The following ESRRB variants were observed in gnomAD, a reference collection of about 807,000 sequenced individuals.
The protein encoded by ESRRB is steroid hormone receptor ERR2.
In ESRRB, 16 loss-of-function variants were observed where a neutral mutation model predicts 46.0. The ratio of observed to expected loss-of-function variants is 0.35; its 90% CI spans 0.24 to 0.53. The LOEUF (loss-of-function observed/expected upper bound fraction) is 0.53. Among genes scored for constraint, ESRRB ranks in the 20% least tolerant of loss-of-function variants. ESRRB has a pLI of 0.93. For missense variants in ESRRB, 488 were observed against 607.4 expected, an observed-to-expected ratio of 0.80 and a Z score of 2.07; for synonymous variants, 246 against 259.6, an observed-to-expected ratio of 0.95 and a Z score of 0.50.
intron 1 of ESRRB, among the ~76,000 whole-genome samples, chr14:76,408,931 T>C (rs997878431): frequency 6.6e-6 from 1 of 152,258 alleles, no homozygotes; most frequent in East Asian, 1.9e-4. Context: ...ACCTTTGAGA[T>C]AGGGCCTATT....
chr14:76,368,259 C>T (rs1884550534), upstream of ESRRB, among the ~76,000 whole-genome samples: 1 of 151,854 alleles, frequency 6.6e-6, no homozygotes, highest in Non-Finnish European at 1.5e-5. Context: ...AGGCATGAGC[C>T]ACTGAGCCCG....
intron 1 of ESRRB, among the ~76,000 whole-genome samples, chr14:76,430,411 G>C (rs780437777): frequency 6.6e-5 from 10 of 152,290 alleles, no homozygotes; most frequent in South Asian, 4.1e-4. Flanking sequence ...TGCCCAGCCA[G>C]CTTCTTTCCC....
At chr14:76,317,061 A>G (rs1258910096) in intron 1 of ESRRB, among the ~76,000 whole-genome samples, 1 of 152,182 alleles carries the variant, frequency 6.6e-6, no homozygotes, top group East Asian at 1.9e-4. Flanking sequence ...TGCTTCCATT[A>G]GCACAGACAA....
At chr14:76,393,158 T>C (rs893116301) in intron 1 of ESRRB, among the ~76,000 whole-genome samples, 18 of 152,238 alleles carry the variant, frequency 1.2e-4, no homozygotes, top group Non-Finnish European at 2.4e-4. Context: ...ATCTCCCTTG[T>C]GTATTCTTTG....
At chr14:76,351,531 C>T (rs1467393141) in intron 1 of ESRRB, among the ~76,000 whole-genome samples, 3 of 152,210 alleles carry the variant, frequency 2.0e-5, no homozygotes, top group Admixed American at 6.5e-5. Context: ...AGTATGGCCT[C>T]ATCTTAACTT....
intron 1 of ESRRB, among the ~76,000 whole-genome samples, chr14:76,357,252 C>T (rs1276840570): frequency 6.6e-6 from 1 of 152,208 alleles, no homozygotes; most frequent in East Asian, 1.9e-4. Flanking sequence ...AAAAGTATTA[C>T]CCAAGATGGG....
chr14:76,398,092 C>T (rs1454730154), intron 1 of ESRRB, among the ~76,000 whole-genome samples: 3 of 152,218 alleles, frequency 2.0e-5, no homozygotes, highest in Admixed American at 2.0e-4. Context: ...CCAGCTTGTG[C>T]TTTGTTGGAA....
chr14:76,435,745 C>T (rs561116642), intron 1 of ESRRB, among the ~76,000 whole-genome samples: 1 of 152,308 alleles, frequency 6.6e-6, no homozygotes, highest in African/African-American at 2.4e-5. Context: ...GCAGGAGAAT[C>T]ACTTGAACCC....
intron 3 of ESRRB, among the ~76,000 whole-genome samples, chr14:76,471,860 G>C (rs1889386301): frequency 6.6e-6 from 1 of 152,204 alleles, no homozygotes; most frequent in East Asian, 1.9e-4. Context: ...GTTGCACTCA[G>C]CTGGAGTGCA....
intron 1 of ESRRB, among the ~76,000 whole-genome samples, chr14:76,327,339 C>T (rs781679615): frequency 1.5e-4 from 23 of 152,328 alleles, no homozygotes; most frequent in Non-Finnish European, 2.8e-4. Flanking sequence ...AGTGTCTATG[C>T]TCATGTGAGT....
intron 1 of ESRRB, among the ~76,000 whole-genome samples, chr14:76,313,954 T>C (rs141343956): frequency 1.0e-3 from 155 of 152,292 alleles, no homozygotes; most frequent in African/African-American, 3.5e-3. Flanking sequence ...GGTGGAGGGC[T>C]TTTTTGTTAA....
chr14:76,363,101 T>C (rs1595055098), intron 1 of ESRRB, among the ~76,000 whole-genome samples: 2 of 152,330 alleles, frequency 1.3e-5, no homozygotes, highest in East Asian at 3.9e-4. Context: ...CTTGGTTGAA[T>C]GGCTAGGTTG....
At chr14:76,448,923 C>T (rs901420649) in intron 2 of ESRRB, among the ~76,000 whole-genome samples, 12 of 150,984 alleles carry the variant, frequency 7.9e-5, no homozygotes, top group African/African-American at 3.0e-4. Context: ...TGTTTTTCTA[C>T]ACATATTTTG....
Position 76,491,597 on chromosome 14 carries a change from G to A in ESRRB, c.1001G>A (p.Arg334His), listed in dbSNP as rs763256376. ...TACATCATGGATGAGGAGCACTCCC[G>A]CCTCGCGGGGCTGCTGGAGCTCTAC... ...EDYIMDEEHS[R>H]LAGLLELYRA... The change falls in exon 6 of 7, where the codon CGC becomes CAC. Residue 334 changes from arginine (R) to histidine (H), a missense_variant. Coordinates refer to ENST00000644823, the MANE Select transcript of ESRRB (RefSeq NM_001379180.1). The A allele has an allele frequency of 2.0e-5, 32 of 1,586,854 alleles. No homozygotes were observed. Among genetic ancestry groups the A allele is most frequent in the East Asian group, 9.1e-5 (4 of 44,012 alleles).
intron 6 of ESRRB, 115 bp from the exon 7 acceptor site, chr14:76,498,099 G>A (rs1890501072): frequency 1.6e-6 from 2 of 1,220,528 alleles, no homozygotes; most frequent in Non-Finnish European, 2.4e-6. Context: ...TGTGAAGAGA[G>A]GGTTCTGAAG....
At chr14:76,477,642 GT>G (rs1173517802) in intron 3 of ESRRB, among the ~76,000 whole-genome samples, 1 of 152,252 alleles carries the variant, frequency 6.6e-6, no homozygotes, top group Non-Finnish European at 1.5e-5. Context: ...ATTGTGGGCT[GT>G]GCTTAGGGCA....
chr14:76,336,465 C>T (rs1364787168), intron 1 of ESRRB, among the ~76,000 whole-genome samples: 1 of 152,248 alleles, frequency 6.6e-6, no homozygotes, highest in African/African-American at 2.4e-5. Flanking sequence ...AGGCCCATGA[C>T]CTTGCCTCTG....
At chr14:76,348,651 G>A (rs571492111) in intron 1 of ESRRB, among the ~76,000 whole-genome samples, 1 of 152,312 alleles carries the variant, frequency 6.6e-6, no homozygotes, top group African/African-American at 2.4e-5. Flanking sequence ...AGAGCTTAGA[G>A]TCTTTGATTC....
chr14:76,397,672 A>G (rs1188288702), intron 1 of ESRRB, among the ~76,000 whole-genome samples: 1 of 152,236 alleles, frequency 6.6e-6, no homozygotes, highest in East Asian at 1.9e-4. Flanking sequence ...TGAGAGGCCA[A>G]GGCAGGAGGA....
Sources: allele counts gnomAD v4.1 joint callset (sites outside exome capture counted in the v4.1 genomes callset), GRCh38; gene constraint gnomAD v4.1.1; transcripts MANE v1.5; gene names NCBI Gene and HGNC (gene_info 2026-07-23, HGNC 2026-07-21).